Variants in LYPD6 observed in about 807,000 individuals in gnomAD.
The protein encoded by LYPD6 is ly6/PLAUR domain-containing protein 6.
In LYPD6, 15 loss-of-function variants were observed where a neutral mutation model predicts 22.7. The ratio of observed to expected loss-of-function variants is 0.66; its 90% confidence interval spans 0.44 to 1.02. The LOEUF is 1.02. LYPD6 is among the 50% of genes least tolerant of loss of function. LYPD6 has a pLI of 0.00. For missense variants in LYPD6, 189 were observed against 208.4 expected (o/e 0.91, Z 0.57); for synonymous variants, 72 against 77.5 (o/e 0.93, Z 0.37).
Position 149,437,817 on chromosome 2 carries a change from C to T in LYPD6, c.109C>T (p.His37Tyr), listed in dbSNP as rs771452289. Residue 37 changes from histidine to tyrosine, a missense_variant, in exon 2 of 5, where the codon CAT becomes TAT. Transcript: ENST00000334166. ...CACAGTGAAAGACATTATCTACCTC[C>T]ATCCTTCAAGTAAGACTGTTCTCTT... Reference protein sequence around the residue: ...DFTVKDIIYLHPSTTPYPGGF... With the variant: ...DFTVKDIIYLYPSTTPYPGGF... 3.1e-6 allele frequency: 5 copies of T among 1,614,158 alleles called. No individual in the cohort carries two copies. The highest frequency in any genetic ancestry group is 3.4e-6 in the Non-Finnish European group (4 of 1,179,994).
At chr2:149,406,417 C>T (rs1475068553) in intron 1 of LYPD6, among the ~76,000 whole-genome samples, 1 of 151,426 alleles carries the variant, frequency 6.6e-6, no homozygotes, top group African/African-American at 2.4e-5. Flanking sequence ...CTGGGTGCTC[C>T]TGTATTGGGT....
At chr2:149,403,065 C>A (rs1682599231) in intron 1 of LYPD6, among the ~76,000 whole-genome samples, 1 of 151,970 alleles carries the variant, frequency 6.6e-6, no homozygotes, top group South Asian at 2.1e-4. Flanking sequence ...TGAACTCATC[C>A]TTTTTTATGG....
chr2:149,477,088 T>C (rs1038250851), downstream of LYPD6, among the ~76,000 whole-genome samples: 4 of 152,332 alleles, frequency 2.6e-5, no homozygotes, highest in Admixed American at 6.5e-5. Flanking sequence ...TCCTGGCACA[T>C]GTCAGCACTG....
chr2:149,423,462 T>G (rs1327301956), intron 1 of LYPD6, among the ~76,000 whole-genome samples: 1 of 152,092 alleles, frequency 6.6e-6, no homozygotes, highest in Non-Finnish European at 1.5e-5. Flanking sequence ...CATTGCAAAA[T>G]GAGACGATTG....
chr2:149,336,096 A>G (rs1681029459), intron 1 of LYPD6, among the ~76,000 whole-genome samples: 1 of 152,186 alleles, frequency 6.6e-6, no homozygotes, highest in Non-Finnish European at 1.5e-5. Context: ...TTCCCTCCTC[A>G]TTCATGACCT....
intron 4 of LYPD6, among the ~76,000 whole-genome samples, chr2:149,469,776 T>G (rs547398328): frequency 2.9e-4 from 44 of 152,262 alleles, no homozygotes; most frequent in Non-Finnish European, 1.8e-4. Flanking sequence ...TTGGGTCATA[T>G]GCTCGGTCAC....
rs532203395 is a variant in LYPD6 at position 149,345,076 on chromosome 2, GA to G, written c.-72+14355del. 1.0e-3 allele frequency among the ~76,000 whole-genome samples: 153 copies of G among 152,028 alleles called. 1 individual carries two copies. Among genetic ancestry groups the G allele is most frequent in the African/African-American group, 3.5e-3 (147 of 41,474 alleles). On this transcript the variant is annotated intron_variant, in intron 1 of 4. Coordinates refer to ENST00000334166, the MANE Select transcript of LYPD6 (RefSeq NM_194317.5). ...TCCATCTTTAAAAAAAATAAAAAGA[GA>G]GTAAGGATTCTCACTGAGACACCCC...
chr2:149,402,258 G>GTT (rs1360802610), intron 1 of LYPD6, among the ~76,000 whole-genome samples: 19 of 151,970 alleles, frequency 1.3e-4, no homozygotes, highest in African/African-American at 4.3e-4. Context: ...GTGTGTGTGT[G>GTT]TATTACATTT....
chr2:149,486,288 G>A, the LYPD6 span, among the ~76,000 whole-genome samples: 3 of 152,126 alleles, frequency 2.0e-5, no homozygotes, highest in East Asian at 3.9e-4. Context: ...CAAGAAATCA[G>A]GAACTCAATA....
chr2:149,405,613 T>C (rs1226532859), intron 1 of LYPD6, among the ~76,000 whole-genome samples: 1 of 152,204 alleles, frequency 6.6e-6, no homozygotes, highest in Non-Finnish European at 1.5e-5. Flanking sequence ...GTCTATTTGA[T>C]TCTTCTCTGT....
intron 3 of LYPD6, chr2:149,464,179 A>G: frequency 2.5e-6 from 1 of 395,146 alleles, no homozygotes; most frequent in Admixed American, 3.9e-5. Flanking sequence ...ATGATCTAGA[A>G]GAAAAGCCAG....
Position 149,469,144 on chromosome 2 carries a change from G to A in LYPD6, c.348+369G>A, listed in dbSNP as rs78852000. 5.0e-3 allele frequency among the ~76,000 whole-genome samples: 766 copies of A among 152,308 alleles called. 4 individuals are homozygous for A. The highest frequency in any genetic ancestry group is 0.017 in the African/African-American group (724 of 41,578). ...GTTCATTCATCACAGGAGGACCGAC[G>A]CAATTCAGCTTTGATAACTTTCTGT... On this transcript the variant is annotated intron_variant, in intron 4 of 4. Transcript: ENST00000334166.
In LYPD6 at chr2:149,347,474, A is replaced by G. The variant is rs1681279512; in HGVS notation, c.-72+16752A>G. 2.0e-5 allele frequency among the ~76,000 whole-genome samples: 3 copies of G among 152,208 alleles called. No homozygotes were observed. The South Asian group carries it at 6.2e-4, about 32-fold the overall frequency. On this transcript the variant is annotated intron_variant, in intron 1 of 4. Transcript: ENST00000334166. Reference sequence around the variant, plus strand: ...ATTCCCTAACAATTTGACCAAAGCCATGGCCAACATCATCACTTGACAAAA... The same window carrying G: ...ATTCCCTAACAATTTGACCAAAGCCGTGGCCAACATCATCACTTGACAAAA...
intron 1 of LYPD6, among the ~76,000 whole-genome samples, chr2:149,378,928 A>T (rs1262648860): frequency 6.6e-6 from 1 of 152,236 alleles, no homozygotes; most frequent in Non-Finnish European, 1.5e-5. Flanking sequence ...GATCACAAAA[A>T]GTACTGGTTG....
At chr2:149,346,563 A>G (rs1421447010) in intron 1 of LYPD6, among the ~76,000 whole-genome samples, 2 of 152,228 alleles carry the variant, frequency 1.3e-5, no homozygotes, top group South Asian at 2.1e-4. Flanking sequence ...TCTTGTGTGA[A>G]AAAGAACTTA....
At chr2:149,485,215 G>A in the LYPD6 span, among the ~76,000 whole-genome samples, 6 of 152,056 alleles carry the variant, frequency 3.9e-5, no homozygotes, top group African/African-American at 1.4e-4. Flanking sequence ...TGCTCCTGAG[G>A]GGAGAAAATT....
rs116606521 is a variant in LYPD6 at position 149,354,830 on chromosome 2, G to A, written c.-72+24108G>A. Reference sequence around the variant, plus strand: ...ATTTGAAGAAGCAGCTAACCTTGGCGATATTGGCTTACGTAATGGTAGGGC... The same window carrying A: ...ATTTGAAGAAGCAGCTAACCTTGGCAATATTGGCTTACGTAATGGTAGGGC... On this transcript the variant is annotated intron_variant, in intron 1 of 4. Transcript: ENST00000334166. Among the ~76,000 whole-genome samples the A allele has an allele frequency of 8.3e-3, 1,268 of 152,260 alleles. 15 individuals are homozygous for A. Among genetic ancestry groups the A allele is most frequent in the African/African-American group, 0.026 (1,079 of 41,566 alleles).
chr2:149,344,679 C>T (rs2105052339), intron 1 of LYPD6, among the ~76,000 whole-genome samples: 1 of 152,262 alleles, frequency 6.6e-6, no homozygotes, highest in South Asian at 2.1e-4. Flanking sequence ...TTTTATTTGG[C>T]TTCTGCACCA....
chr2:149,481,679 G>A, the LYPD6 span, among the ~76,000 whole-genome samples: 12 of 152,268 alleles, frequency 7.9e-5, no homozygotes, highest in Middle Eastern at 3.4e-3. Context: ...CAAGTCAAAT[G>A]AGAATAGTGC....
Sources: gnomAD v4.1 joint callset for allele counts (sites outside exome capture counted in the v4.1 genomes callset) on GRCh38, gnomAD v4.1.1 for gene constraint, MANE v1.5 for transcripts, NCBI Gene and HGNC (gene_info 2026-07-23, HGNC 2026-07-21) for gene names.